HS3ST4: variants seen among roughly 807,000 people sequenced by gnomAD.
The protein encoded by HS3ST4 is heparan sulfate-glucosamine 3-sulfotransferase 4.
Under a neutral mutation model 29.2 loss-of-function variants are expected in HS3ST4, and 17 were observed. That is an observed-to-expected ratio of 0.58 (90% CI 0.40 to 0.87). The LOEUF (loss-of-function observed/expected upper bound fraction) is 0.87, where lower values mean the gene tolerates loss of function less well. HS3ST4 is among the 40% of genes least tolerant of loss of function. The probability of loss-of-function intolerance (pLI) is 0.00; values close to 1 mark genes in which losing one functional copy is unlikely to be tolerated. For synonymous variants in HS3ST4, 314 were observed against 285.7 expected (o/e 1.10, Z -1.00); for missense variants, 627 against 634.5 (o/e 0.99, Z 0.13).
intron 1 of HS3ST4, among the ~76,000 whole-genome samples, chr16:25,781,420 G>A (rs11074722): frequency 0.16 from 24,433 of 151,988 alleles, 2,270 homozygotes; most frequent in East Asian, 0.41. Context: ...GTTCTTCTTC[G>A]GCCCTTAGGA....
chr16:25,832,424 A>G (rs1967313865), intron 1 of HS3ST4, among the ~76,000 whole-genome samples: 1 of 152,176 alleles, frequency 6.6e-6, no homozygotes, highest in Admixed American at 6.5e-5. Context: ...GTGTCAGCTC[A>G]CTTTGATGTA....
chr16:25,862,613 T>C (rs1352792563), intron 1 of HS3ST4, among the ~76,000 whole-genome samples: 2 of 152,252 alleles, frequency 1.3e-5, no homozygotes, highest in East Asian at 3.9e-4. Flanking sequence ...AAACAGTTAT[T>C]GGTCCCTGGC....
At chr16:26,063,988 CT>C (rs1898512115) in intron 1 of HS3ST4, among the ~76,000 whole-genome samples, 1 of 152,188 alleles carries the variant, frequency 6.6e-6, no homozygotes, top group Non-Finnish European at 1.5e-5. Flanking sequence ...GATCCACTTT[CT>C]GGAGGAAATG....
intron 1 of HS3ST4, among the ~76,000 whole-genome samples, chr16:25,711,918 T>G (rs1397908952): frequency 6.6e-6 from 1 of 152,240 alleles, no homozygotes; most frequent in Non-Finnish European, 1.5e-5. Context: ...CATAAGCCAC[T>G]GTGCCCAGCC....
intron 1 of HS3ST4, among the ~76,000 whole-genome samples, chr16:25,721,142 AGGGAAGAGTGTTTGG>A (rs1966490286): frequency 6.6e-6 from 1 of 152,196 alleles, no homozygotes; most frequent in Non-Finnish European, 1.5e-5. Flanking sequence ...GTTAGTAGTG[AGGGAAGAGTGTTTGG>A]GCATAAGGAA....
intron 1 of HS3ST4, among the ~76,000 whole-genome samples, chr16:25,946,338 C>T (rs555680782): frequency 7.9e-5 from 12 of 152,282 alleles, no homozygotes; most frequent in African/African-American, 2.9e-4. Flanking sequence ...ATAATGCATT[C>T]GCACCACACT....
intron 1 of HS3ST4, among the ~76,000 whole-genome samples, chr16:26,084,177 C>T (rs1190615329): frequency 6.6e-6 from 1 of 152,194 alleles, no homozygotes; most frequent in Admixed American, 6.5e-5. Context: ...CTCTCCTGAG[C>T]ATTTCCATCC....
intron 1 of HS3ST4, among the ~76,000 whole-genome samples, chr16:25,828,984 G>A (rs924473451): frequency 6.6e-6 from 1 of 152,172 alleles, no homozygotes; most frequent in Admixed American, 6.5e-5. Flanking sequence ...CTTGGGTTGA[G>A]CAATAAATAG....
chr16:26,063,187 A>G (rs1180503210), intron 1 of HS3ST4: 1 of 152,438 alleles, frequency 6.6e-6, no homozygotes, highest in African/African-American at 2.4e-5. Context: ...AGCTCATCCC[A>G]TGAATCTCTC....
At chr16:25,774,333 A>C (rs1402767529) in intron 1 of HS3ST4, among the ~76,000 whole-genome samples, 1 of 152,220 alleles carries the variant, frequency 6.6e-6, no homozygotes, top group Admixed American at 6.5e-5. Context: ...AGACCTTCTG[A>C]GATAAACATT....
intron 1 of HS3ST4, among the ~76,000 whole-genome samples, chr16:25,991,278 A>G (rs2141728398): frequency 6.6e-6 from 1 of 152,338 alleles, no homozygotes; most frequent in South Asian, 2.1e-4. Context: ...AATTAATGCA[A>G]AAGGTAGCAA....
intron 1 of HS3ST4, among the ~76,000 whole-genome samples, chr16:25,787,766 C>T (rs1456494570): frequency 6.6e-6 from 1 of 152,142 alleles, no homozygotes; most frequent in Admixed American, 6.6e-5. Flanking sequence ...GAAATAGTTA[C>T]ATTAAGAGAA....
At chr16:25,811,182 A>T (rs1375933420) in intron 1 of HS3ST4, among the ~76,000 whole-genome samples, 2 of 151,244 alleles carry the variant, frequency 1.3e-5, no homozygotes, top group Admixed American at 1.3e-4. Context: ...TTACATGTGG[A>T]TTTTTTTTTC....
At chr16:25,993,634 CA>C (rs1969132290) in intron 1 of HS3ST4, among the ~76,000 whole-genome samples, 1 of 151,684 alleles carries the variant, frequency 6.6e-6, no homozygotes, top group South Asian at 2.1e-4. Flanking sequence ...ATGTTAATAC[CA>C]AGCTCATACT....
chr16:26,032,085 A>C (rs1238243769), intron 1 of HS3ST4, among the ~76,000 whole-genome samples: 1 of 152,226 alleles, frequency 6.6e-6, no homozygotes, highest in African/African-American at 2.4e-5. Flanking sequence ...CATCACTGGA[A>C]AGTCCAGATT....
intron 1 of HS3ST4, among the ~76,000 whole-genome samples, chr16:25,758,660 T>G (rs1271196638): frequency 1.3e-5 from 2 of 152,046 alleles, no homozygotes; most frequent in African/African-American, 2.4e-5. Context: ...TGAAGGGAGA[T>G]AGAAAGTGTT....
At chr16:25,922,447 C>T (rs946365599) in intron 1 of HS3ST4, among the ~76,000 whole-genome samples, 2 of 152,166 alleles carry the variant, frequency 1.3e-5, no homozygotes, top group African/African-American at 2.4e-5. Context: ...CTTGGGCTTC[C>T]CAGCCTCCAG....
At chr16:25,876,006 G>C (rs1967828571) in intron 1 of HS3ST4, among the ~76,000 whole-genome samples, 2 of 152,112 alleles carry the variant, frequency 1.3e-5, no homozygotes, top group South Asian at 4.1e-4. Context: ...CTGGAACATA[G>C]ACTCAGAAAA....
chr16:25,992,244 G>C (rs994768447), intron 1 of HS3ST4, among the ~76,000 whole-genome samples: 4 of 152,170 alleles, frequency 2.6e-5, no homozygotes, highest in Non-Finnish European at 5.9e-5. Context: ...TTAGGACAAG[G>C]GAGGAATGGA....
Sources: gnomAD v4.1 joint callset for allele counts (sites outside exome capture counted in the v4.1 genomes callset) on GRCh38, gnomAD v4.1.1 for gene constraint, MANE v1.5 for transcripts, NCBI Gene and HGNC (gene_info 2026-07-23, HGNC 2026-07-21) for gene names.